SUPT3H: variants seen among roughly 807,000 people sequenced by gnomAD.
The protein encoded by SUPT3H is transcription initiation protein SPT3 homolog.
Under a neutral mutation model 44.3 loss-of-function variants are expected in SUPT3H, and 44 were observed. The observed-to-expected ratio is 0.99, with a 90% CI of 0.78 to 1.28. The LOEUF (loss-of-function observed/expected upper bound fraction) is 1.28. Ranked by LOEUF, SUPT3H falls within the 50% of genes most tolerant of loss-of-function variation. SUPT3H has a pLI of 0.00. For missense variants in SUPT3H, 380 were observed against 387.1 expected, an observed-to-expected ratio of 0.98 and a Z score of 0.15; for synonymous variants, 124 against 125.6, an observed-to-expected ratio of 0.99 and a Z score of 0.09.
chr6:45,301,478 T>C (rs368649343), intron 2 of SUPT3H, among the ~76,000 whole-genome samples: 4 of 152,204 alleles, frequency 2.6e-5, no homozygotes, highest in Non-Finnish European at 5.9e-5. Flanking sequence ...TGGGTCTTTT[T>C]GGTGCAGGCA....
At chr6:45,174,915 C>T (rs926966968) in intron 2 of SUPT3H, among the ~76,000 whole-genome samples, 31 of 149,308 alleles carry the variant, frequency 2.1e-4, no homozygotes, top group Admixed American at 2.0e-3. Flanking sequence ...TGGTAAATCA[C>T]GCCTGGAGTC....
intron 6 of SUPT3H, among the ~76,000 whole-genome samples, chr6:44,992,312 T>C (rs1002132413): frequency 2.6e-5 from 4 of 152,190 alleles, no homozygotes; most frequent in Admixed American, 6.5e-5. Context: ...AATCACCATG[T>C]GGCAGTCAAA....
intron 2 of SUPT3H, among the ~76,000 whole-genome samples, chr6:45,122,991 A>G (rs1801890327): frequency 6.6e-6 from 1 of 152,220 alleles, no homozygotes; most frequent in African/African-American, 2.4e-5. Context: ...CCTATTACTT[A>G]ATGGAAGCTA....
chr6:44,963,234 C>T (rs143567697), intron 6 of SUPT3H, among the ~76,000 whole-genome samples: 2,968 of 152,196 alleles, frequency 0.02, 56 homozygotes, highest in South Asian at 0.091. Context: ...TGTGGTGGCT[C>T]ACGCCTGTAA....
At chr6:45,279,192 A>G (rs1317463089) in intron 2 of SUPT3H, among the ~76,000 whole-genome samples, 1 of 152,252 alleles carries the variant, frequency 6.6e-6, no homozygotes, top group Admixed American at 6.5e-5. Flanking sequence ...AATGGGATTA[A>G]TGAAACCAAA....
At chr6:45,214,801 A>G (rs978824910) in intron 2 of SUPT3H, among the ~76,000 whole-genome samples, 2 of 152,328 alleles carry the variant, frequency 1.3e-5, no homozygotes, top group South Asian at 4.1e-4. Flanking sequence ...GTGAGCTATC[A>G]TCATGGCAGT....
At chr6:44,913,578 A>G (rs1341821934) in intron 10 of SUPT3H, among the ~76,000 whole-genome samples, 2 of 152,190 alleles carry the variant, frequency 1.3e-5, no homozygotes, top group African/African-American at 2.4e-5. Flanking sequence ...TAACTTCCAA[A>G]TTTGAAAACA....
intron 3 of SUPT3H, among the ~76,000 whole-genome samples, chr6:45,032,844 G>T (rs536147384): frequency 2.6e-5 from 4 of 152,190 alleles, no homozygotes; most frequent in Non-Finnish European, 5.9e-5. Flanking sequence ...ATAAGAAGGC[G>T]GCTTCCTTTC....
intron 3 of SUPT3H, among the ~76,000 whole-genome samples, chr6:45,080,416 G>A (rs1341232704): frequency 1.3e-5 from 2 of 151,984 alleles, no homozygotes; most frequent in Non-Finnish European, 2.9e-5. Context: ...GCTACCATAT[G>A]ATCCAGATAT....
intron 10 of SUPT3H, among the ~76,000 whole-genome samples, chr6:44,926,957 T>C (rs1418877722): frequency 6.6e-6 from 1 of 152,208 alleles, no homozygotes; most frequent in Non-Finnish European, 1.5e-5. Context: ...TTGGTAAGAT[T>C]ATCAGGAAAT....
At chr6:44,950,811 TC>T (rs1310663378) in intron 9 of SUPT3H, among the ~76,000 whole-genome samples, 5 of 149,896 alleles carry the variant, frequency 3.3e-5, no homozygotes, top group East Asian at 1.9e-4. Context: ...TTTTTTTTTT[TC>T]CTCTTGTTTT....
chr6:45,312,343 T>A (rs867530023), intron 2 of SUPT3H, among the ~76,000 whole-genome samples: 2 of 151,536 alleles, frequency 1.3e-5, no homozygotes, highest in African/African-American at 4.9e-5. Flanking sequence ...TGAAACCCTA[T>A]CTCCACAAAA....
At chr6:44,930,059 C>T (rs979124478) in intron 10 of SUPT3H, among the ~76,000 whole-genome samples, 3 of 151,898 alleles carry the variant, frequency 2.0e-5, no homozygotes, top group Non-Finnish European at 4.4e-5. Context: ...GCCAGCCTGG[C>T]CAACATGGCG....
At chr6:45,079,282 C>G (rs1404939894) in intron 3 of SUPT3H, among the ~76,000 whole-genome samples, 1 of 152,060 alleles carries the variant, frequency 6.6e-6, no homozygotes, top group Non-Finnish European at 1.5e-5. Context: ...CGCACTCCAG[C>G]CTGGGCGCCA....
chr6:44,904,273 T>C lies in SUPT3H; in HGVS notation c.912+28380A>G, dbSNP rs188591187. 6.8e-4 allele frequency among the ~76,000 whole-genome samples: 103 copies of C among 152,278 alleles called. 1 individual carries two copies. Among genetic ancestry groups the C allele is most frequent in the African/African-American group, 2.3e-3 (94 of 41,548 alleles). On this transcript the variant is annotated intron_variant, in intron 10 of 10. Coordinates refer to ENST00000371459, the MANE Select transcript of SUPT3H (RefSeq NM_003599.4). ...ATGATTGTATATCTAGAAAACCCCA[T>C]TGTCTCAGCCCCAAATCTCCTTAAG...
chr6:44,919,994 T>G (rs1401646216), intron 10 of SUPT3H, among the ~76,000 whole-genome samples: 2 of 152,138 alleles, frequency 1.3e-5, no homozygotes, highest in Non-Finnish European at 2.9e-5. Context: ...TTCTCCTGCC[T>G]CAGCCTCCCG....
intron 2 of SUPT3H, among the ~76,000 whole-genome samples, chr6:45,279,970 T>A (rs1562856417): frequency 6.6e-6 from 1 of 152,216 alleles, no homozygotes; most frequent in Non-Finnish European, 1.5e-5. Context: ...TCCTATCTAT[T>A]TAGTTGACAA....
At chr6:45,267,768 T>G (rs757913108) in intron 2 of SUPT3H, among the ~76,000 whole-genome samples, 1 of 152,000 alleles carries the variant, frequency 6.6e-6, no homozygotes, top group Non-Finnish European at 1.5e-5. Flanking sequence ...TACAAGGACT[T>G]AAGAGGCCCT....
At chr6:44,970,086 TG>T (rs750575954) in intron 6 of SUPT3H, among the ~76,000 whole-genome samples, 5 of 152,164 alleles carry the variant, frequency 3.3e-5, no homozygotes, top group Non-Finnish European at 7.4e-5. Context: ...CTATATCCTA[TG>T]GGTCTAAATA....
Sources: gnomAD v4.1 joint callset for allele counts (sites outside exome capture counted in the v4.1 genomes callset) on GRCh38, gnomAD v4.1.1 for gene constraint, MANE v1.5 for transcripts, NCBI Gene and HGNC (gene_info 2026-07-23, HGNC 2026-07-21) for gene names.